The following MID1 variants were observed in gnomAD, a reference collection of about 807,000 sequenced individuals.
MID1 encodes the protein midline 1, also known as E3 ubiquitin-protein ligase Midline-1.
Under a neutral mutation model 40.4 loss-of-function variants are expected in MID1, and 7 were observed. The ratio of observed to expected loss-of-function variants is 0.17; its 90% confidence interval spans 0.10 to 0.33. The LOEUF is 0.33. Among genes scored for constraint, MID1 ranks in the 10% least tolerant of loss-of-function variants. The pLI is 1.00. For missense variants in MID1, 367 were observed against 558.5 expected (o/e 0.66, Z 3.46); for synonymous variants, 229 against 221.2 (o/e 1.04, Z -0.31).
chrX:10,747,784 G>A (rs1035644474), intron 1 of MID1, among the ~76,000 whole-genome samples: 4 of 111,838 alleles, frequency 3.6e-5, no homozygotes, highest in Non-Finnish European at 5.6e-5. Flanking sequence ...CACTCATTAC[G>A]TGTTCCTTCT....
intron 3 of MID1, among the ~76,000 whole-genome samples, chrX:10,510,478 T>C (rs1471797723): frequency 1.3e-4 from 14 of 111,569 alleles, no homozygotes. Flanking sequence ...TCCTAACACG[T>C]TATACCTTCC....
chrX:10,791,799 G>A (rs1322072779), intron 1 of MID1, among the ~76,000 whole-genome samples: 1 of 111,602 alleles, frequency 9.0e-6, no homozygotes, highest in Non-Finnish European at 1.9e-5. Context: ...GTGTGCATGT[G>A]TGTGTGTGCT....
At chrX:10,664,508 A>T (rs1464348348) in intron 1 of MID1, among the ~76,000 whole-genome samples, 1 of 112,000 alleles carries the variant, frequency 8.9e-6, no homozygotes, top group Non-Finnish European at 1.9e-5. Context: ...CCACTGATAA[A>T]CATTTGCGCT....
chrX:10,583,787 C>G (rs765965317), intron 1 of MID1, among the ~76,000 whole-genome samples: 1 of 111,330 alleles, frequency 9.0e-6, no homozygotes, highest in South Asian at 3.8e-4. Flanking sequence ...AAACCCAGAA[C>G]TTTGGGAGGC....
chrX:10,755,773 G>A (rs908295956), intron 1 of MID1, among the ~76,000 whole-genome samples: 5 of 112,110 alleles, frequency 4.5e-5, no homozygotes, highest in African/African-American at 1.6e-4. Flanking sequence ...AGAGGCATAT[G>A]AAGAACAGCC....
chrX:10,563,161 G>A (rs767684368), intron 2 of MID1, among the ~76,000 whole-genome samples: 9 of 111,786 alleles, frequency 8.1e-5, no homozygotes, highest in Middle Eastern at 4.6e-3. Context: ...ACATAGAAAT[G>A]CTGAGCTTTA....
intron 1 of MID1, among the ~76,000 whole-genome samples, chrX:10,822,763 C>T (rs1009264858): frequency 8.9e-6 from 1 of 111,791 alleles, no homozygotes; most frequent in Non-Finnish European, 1.9e-5. Flanking sequence ...ATATTAAAAC[C>T]ATAATGAGAT....
At chrX:10,477,797 C>T (rs1930095354) in intron 5 of MID1, among the ~76,000 whole-genome samples, 1 of 112,333 alleles carries the variant, frequency 8.9e-6, no homozygotes, top group Non-Finnish European at 1.9e-5. Flanking sequence ...CCAGTGAGGC[C>T]TCACAGTAAC....
upstream of MID1, among the ~76,000 whole-genome samples, chrX:10,622,591 T>G (rs1935946662): frequency 8.9e-6 from 1 of 111,778 alleles, no homozygotes; most frequent in Non-Finnish European, 1.9e-5. Flanking sequence ...TTGCCCCTTC[T>G]GCCATGTGAG....
chrX:10,648,978 A>C (rs775776379), intron 1 of MID1, among the ~76,000 whole-genome samples: 7 of 112,202 alleles, frequency 6.2e-5, no homozygotes, highest in Non-Finnish European at 1.1e-4. Context: ...TAAAATATTG[A>C]AGATTTCCTT....
intron 1 of MID1, among the ~76,000 whole-genome samples, chrX:10,644,957 T>C (rs1201572570): frequency 8.9e-6 from 1 of 112,345 alleles, no homozygotes; most frequent in East Asian, 2.8e-4. Context: ...TTGCCGTGAT[T>C]GAAGTCAGAC....
At chrX:10,665,321 T>TAAAGCAA (rs1168319579) in intron 1 of MID1, among the ~76,000 whole-genome samples, 2 of 111,718 alleles carry the variant, frequency 1.8e-5, no homozygotes, top group African/African-American at 6.5e-5. Context: ...CCCTGACTTT[T>TAAAGCAA]AAAGCAAGCT....
chrX:10,564,585 G>A (rs1001880215), intron 2 of MID1, among the ~76,000 whole-genome samples: 29 of 111,817 alleles, frequency 2.6e-4, no homozygotes, highest in African/African-American at 9.4e-4. Flanking sequence ...CCCTCCATGT[G>A]ACAGTAGAAC....
intron 1 of MID1, among the ~76,000 whole-genome samples, chrX:10,614,218 A>G (rs748920077): frequency 4.6e-4 from 52 of 111,839 alleles, no homozygotes; most frequent in Non-Finnish European, 8.5e-4. Flanking sequence ...CCAAGTAGAC[A>G]GTGCTCAGCA....
At chrX:10,662,502 G>T (rs1400503833) in intron 1 of MID1, among the ~76,000 whole-genome samples, 1 of 111,017 alleles carries the variant, frequency 9.0e-6, no homozygotes, top group Non-Finnish European at 1.9e-5. Context: ...TATTTCATTT[G>T]GCTGTGATTG....
At chrX:10,656,502 T>A (rs1015793906) in intron 1 of MID1, among the ~76,000 whole-genome samples, 4 of 111,534 alleles carry the variant, frequency 3.6e-5, no homozygotes, top group Admixed American at 9.5e-5. Context: ...CTGTCATCCC[T>A]CTTCACTTGT....
intron 1 of MID1, among the ~76,000 whole-genome samples, chrX:10,714,480 T>C (rs963484645): frequency 3.5e-5 from 4 of 112,717 alleles, no homozygotes; most frequent in African/African-American, 9.7e-5. Context: ...AGAACTCCTC[T>C]TCTAAAAGAT....
chrX:10,777,343 GCC>G (rs1415647933), intron 1 of MID1, among the ~76,000 whole-genome samples: 4 of 96,828 alleles, frequency 4.1e-5, no homozygotes, highest in Admixed American at 1.1e-4. Flanking sequence ...GACTACAGGC[GCC>G]CGCCACCATG....
At chrX:10,776,953 C>T (rs2043806960) in intron 1 of MID1, among the ~76,000 whole-genome samples, 1 of 111,721 alleles carries the variant, frequency 9.0e-6, no homozygotes, top group Admixed American at 9.5e-5. Flanking sequence ...GTACTGTACT[C>T]CTCTGTGCTG....
Sources: allele counts gnomAD v4.1 joint callset (sites outside exome capture counted in the v4.1 genomes callset), GRCh38; gene constraint gnomAD v4.1.1; transcripts MANE v1.5; gene names NCBI Gene and HGNC (gene_info 2026-07-23, HGNC 2026-07-21).